CNST: variants seen among roughly 807,000 people sequenced by gnomAD.
CNST encodes the protein consortin.
In CNST, 39 loss-of-function variants were observed where a neutral mutation model predicts 72.4. The observed-to-expected ratio is 0.54, with a 90% confidence interval of 0.42 to 0.70. The LOEUF (loss-of-function observed/expected upper bound fraction) is 0.70, where lower values mean the gene tolerates loss of function less well. Among genes scored for constraint, CNST ranks in the 30% least tolerant of loss-of-function variants. The pLI is 0.00. For missense variants in CNST, 871 were observed against 868.5 expected (o/e 1.00, Z -0.04); for synonymous variants, 332 against 320.1 (o/e 1.04, Z -0.40).
intron 10 of CNST, among the ~76,000 whole-genome samples, chr1:246,661,028 G>A (rs1244287199): frequency 6.6e-6 from 1 of 151,734 alleles, no homozygotes; most frequent in Non-Finnish European, 1.5e-5. Context: ...GGATTGCAGT[G>A]GCGCAAATCA....
chr1:246,638,153 A>G (rs1311790232), intron 6 of CNST, among the ~76,000 whole-genome samples: 1 of 152,186 alleles, frequency 6.6e-6, no homozygotes, highest in African/African-American at 2.4e-5. Context: ...TTTGGAGGAT[A>G]GGCATTGTTT....
chr1:246,633,970 G>C lies in CNST; in HGVS notation c.663G>C (p.Glu221Asp). The C allele has an allele frequency of 6.2e-7, 1 of 1,613,232 alleles. No homozygotes were observed. ...KFIQLERLYHEQLLANLSAIQ... is the reference protein window; with the variant it reads ...KFIQLERLYHDQLLANLSAIQ... ...TTCAGCTAGAACGATTGTATCATGA[G>C]CAATTGCTCGCAAATCTTTCTGCCA... The change falls in exon 5 of 11, where the codon GAG (glutamate) becomes GAC (aspartate). Residue 221 changes from glutamate (E) to aspartate (D), a missense_variant. Coordinates refer to ENST00000366513, the MANE Select transcript of CNST (RefSeq NM_152609.3).
chr1:246,638,123 A>G (rs1286982018), intron 6 of CNST, among the ~76,000 whole-genome samples: 1 of 152,210 alleles, frequency 6.6e-6, no homozygotes, highest in Non-Finnish European at 1.5e-5. Context: ...TGTAGCCGAC[A>G]TGGAAAGAGT....
intron 3 of CNST, among the ~76,000 whole-genome samples, chr1:246,627,985 G>A (rs911051701): frequency 6.7e-6 from 1 of 150,172 alleles, no homozygotes; most frequent in Non-Finnish European, 1.5e-5. Flanking sequence ...ACAATAGGCT[G>A]TCTGCAAGCT....
intron 1 of CNST, among the ~76,000 whole-genome samples, chr1:246,567,315 G>A (rs183599757): frequency 2.5e-3 from 384 of 151,570 alleles, no homozygotes; most frequent in Middle Eastern, 0.01. Flanking sequence ...CAATTTTGAA[G>A]ACTAAAAATA....
chr1:246,627,859 TAGTC>T (rs1382108194), intron 3 of CNST, among the ~76,000 whole-genome samples: 5 of 148,156 alleles, frequency 3.4e-5, no homozygotes, highest in Non-Finnish European at 6.0e-5. Flanking sequence ...ATTGTTGTAT[TAGTC>T]AGGGTTCTCT....
Position 246,666,145 on chromosome 1 carries a change from A to G in CNST, c.*240A>G, listed in dbSNP as rs1667382448. 1.5e-5 allele frequency: 7 copies of G among 481,868 alleles called. No individual in the cohort carries two copies. The highest frequency in any genetic ancestry group is 2.2e-5 in the Non-Finnish European group (6 of 268,074). The allele number at this position is 481,868 out of a possible 1,614,324, so 29.8% of individuals were successfully genotyped here. On this transcript the variant is annotated 3_prime_UTR_variant, in exon 11 of 11. Coordinates refer to ENST00000366513, the MANE Select transcript of CNST (RefSeq NM_152609.3). ...AATGGTCTTTGGAGAGAGCATATCC[A>G]TCTCCTCCTCACTGCCTCCTAATGT... is the stretch of plus-strand genomic sequence containing the variant.
chr1:246,668,285 A>C lies in CNST; in HGVS notation c.*2380A>C, dbSNP rs947238922. 1 of 152,220 alleles carries C rather than the reference A, an allele frequency of 6.6e-6. No individual in the cohort carries two copies. The highest frequency in any genetic ancestry group is 1.5e-5 in the Non-Finnish European group (1 of 68,046). The allele number at this position is 152,220 out of a possible 1,614,324, so 9.4% of individuals were successfully genotyped here. The stretch of plus-strand genomic sequence containing the variant: ...CAACTATTTGTAACTAATCTTCCTT[A>C]AGAACTGTATTTGAGGGTATCAAAT... On this transcript the variant is annotated 3_prime_UTR_variant, in exon 11 of 11. Coordinates refer to ENST00000366513, the MANE Select transcript of CNST (RefSeq NM_152609.3).
chr1:246,592,045 C>T (rs1490490742), intron 2 of CNST, 104 bp downstream of exon 2: 8 of 920,542 alleles, frequency 8.7e-6, no homozygotes, highest in African/African-American at 1.7e-5. Context: ...TCTTTGCTTA[C>T]GATATTCTGG....
At chr1:246,573,523 G>A (rs1358886890) in intron 1 of CNST, among the ~76,000 whole-genome samples, 6 of 152,100 alleles carry the variant, frequency 3.9e-5, no homozygotes, top group African/African-American at 9.7e-5. Context: ...TTATAGTTTC[G>A]TGCATTCTGA....
Position 246,641,895 on chromosome 1 carries a change from C to T in CNST, c.841-46C>T, listed in dbSNP as rs184541472. 1.5e-5 allele frequency: 22 copies of T among 1,479,458 alleles called. 1 individual carries two copies. The Admixed American group carries it at 3.6e-4, about 25-fold the overall frequency. The allele number at this position is 1,479,458 out of a possible 1,614,324, so 91.6% of individuals were successfully genotyped here. A position where few individuals can be genotyped will look rare whatever the true frequency, so the allele number is the denominator to read the frequency against. Reference sequence around the variant, plus strand: ...TTATTTTCAGCTTCCTAGTTTAATACAACAGTTTCCCCAAAAGTTGGGTTT... The same window carrying T: ...TTATTTTCAGCTTCCTAGTTTAATATAACAGTTTCCCCAAAAGTTGGGTTT... On this transcript the variant is annotated intron_variant, in intron 7 of 10. Transcript: ENST00000366513.
intron 2 of CNST, among the ~76,000 whole-genome samples, chr1:246,604,838 T>G (rs140067457): frequency 0.013 from 1,926 of 152,076 alleles, 16 homozygotes; most frequent in Middle Eastern, 0.027. Context: ...CTGGCTAATT[T>G]TTGGATTTTT....
rs115822443 is a variant in CNST, at chr1:246,578,216, A to G, written c.-52+11553A>G. ...GAATTCCAGATGGGAAATAATATAT[A>G]TGCATGAAATAACTTGAGAAAAATT... On this transcript the variant is annotated intron_variant, in intron 1 of 10. Coordinates refer to ENST00000366513, the MANE Select transcript of CNST (RefSeq NM_152609.3). 4.4e-3 allele frequency among the ~76,000 whole-genome samples: 673 copies of G among 152,234 alleles called. 12 individuals carry two copies. The highest frequency in any genetic ancestry group is 0.016 in the African/African-American group (647 of 41,478).
At chr1:246,594,607 A>C (rs1009863061) in intron 2 of CNST, among the ~76,000 whole-genome samples, 3 of 152,068 alleles carry the variant, frequency 2.0e-5, no homozygotes, top group African/African-American at 7.2e-5. Context: ...CCATCTCTAA[A>C]AAAATACAAA....
intron 1 of CNST, among the ~76,000 whole-genome samples, chr1:246,581,022 C>T (rs1439706225): frequency 4.0e-5 from 6 of 151,864 alleles, no homozygotes; most frequent in Non-Finnish European, 5.9e-5. Flanking sequence ...TACAGGCATG[C>T]GCCACCACGC....
At chr1:246,648,093 A>G (rs983134604) in intron 9 of CNST, 56 bp downstream of exon 9, 28 of 1,520,126 alleles carry the variant, frequency 1.8e-5, no homozygotes, top group Non-Finnish European at 2.1e-5. Context: ...AAACATATAT[A>G]TGTATTAAAT....
intron 8 of CNST, 96 bp downstream of exon 8, chr1:246,642,133 G>GT (rs74163469): frequency 0.053 from 9,888 of 186,466 alleles, 49 homozygotes; most frequent in Non-Finnish European, 0.063. Flanking sequence ...AAAGGATCTG[G>GT]TTTTTTTTTT....
In CNST at chr1:246,668,084, AC is replaced by A. The variant is rs1292882380; in HGVS notation, c.*2180del. Reference sequence around the variant, plus strand: ...CGGGAACATAACGATGTTTTGACTTACAATAGGCATGAAATCGCAACTAGAA... The same window carrying A: ...CGGGAACATAACGATGTTTTGACTTAAATAGGCATGAAATCGCAACTAGAA... On this transcript the variant is annotated 3_prime_UTR_variant, in exon 11 of 11. Transcript: ENST00000366513. The A allele has an allele frequency of 1.3e-5, 2 of 152,352 alleles. No homozygotes were observed. Among genetic ancestry groups the A allele is most frequent in the African/African-American group, 4.8e-5 (2 of 41,574 alleles). 9.4% of individuals were successfully genotyped at this position (152,352 alleles called of 1,614,324 possible).
At chr1:246,636,471 C>T (rs1233445178) in intron 6 of CNST, among the ~76,000 whole-genome samples, 2 of 152,070 alleles carry the variant, frequency 1.3e-5, no homozygotes, top group Non-Finnish European at 2.9e-5. Flanking sequence ...TCGTGGTAAG[C>T]GCGATGCCCT....
Sources: allele counts gnomAD v4.1 joint callset (sites outside exome capture counted in the v4.1 genomes callset), GRCh38; gene constraint gnomAD v4.1.1; transcripts MANE v1.5; gene names NCBI Gene and HGNC (gene_info 2026-07-23, HGNC 2026-07-21).